The following CRISPLD1 variants were observed in gnomAD, a reference collection of about 807,000 sequenced individuals.
The protein encoded by CRISPLD1 is cysteine-rich secretory protein LCCL domain-containing 1.
CRISPLD1 carries 60 observed loss-of-function variants against 77.5 expected under a neutral mutation model. The observed-to-expected ratio is 0.77, with a 90% confidence interval of 0.63 to 0.96. The LOEUF is 0.96. Among genes scored for constraint, CRISPLD1 ranks in the 40% least tolerant of loss-of-function variants. CRISPLD1 has a pLI of 0.00. For missense variants in CRISPLD1, 623 were observed against 615.8 expected (o/e 1.01, Z -0.12); for synonymous variants, 195 against 200.1 (o/e 0.97, Z 0.22).
At chr8:74,999,386 A>G (rs1812699935) in intron 2 of CRISPLD1, among the ~76,000 whole-genome samples, 1 of 152,230 alleles carries the variant, frequency 6.6e-6, no homozygotes, top group East Asian at 1.9e-4. Context: ...GATAGAAAGC[A>G]TATTTTTGTC....
At chr8:75,024,222 T>C (rs532868653) in intron 12 of CRISPLD1, among the ~76,000 whole-genome samples, 2 of 152,314 alleles carry the variant, frequency 1.3e-5, no homozygotes, top group South Asian at 4.1e-4. Flanking sequence ...ATGCAGGGCT[T>C]ATTGACCTTC....
Position 75,022,553 on chromosome 8 carries a change from A to G in CRISPLD1, c.1244+2474A>G, listed in dbSNP as rs528123547. Among the ~76,000 whole-genome samples the G allele has an allele frequency of 8.7e-5, 13 of 150,024 alleles. No homozygotes were observed. The South Asian group carries it at 2.5e-3, about 29-fold the overall frequency. ...CAGTGAGCTGAGATTGCGCCACTGC[A>G]CTCCAGCCTGGGCGAAAGAGCGAGA... On this transcript the variant is annotated intron_variant, in intron 12 of 14. Coordinates refer to ENST00000262207, the MANE Select transcript of CRISPLD1 (RefSeq NM_031461.6).
chr8:75,013,061 G>T, intron 4 of CRISPLD1, 39 bp downstream of exon 4: 1 of 1,440,694 alleles, frequency 6.9e-7, no homozygotes. Flanking sequence ...CCCCCAAATT[G>T]AGTTAATGTA....
chr8:75,005,970 T>A (rs966287180), intron 2 of CRISPLD1, among the ~76,000 whole-genome samples: 3 of 152,180 alleles, frequency 2.0e-5, no homozygotes, highest in African/African-American at 7.2e-5. Flanking sequence ...GTTACATGGA[T>A]ATCTTGTATA....
At chr8:75,010,520 A>G (rs1033860086) in intron 2 of CRISPLD1, among the ~76,000 whole-genome samples, 6 of 151,944 alleles carry the variant, frequency 3.9e-5, no homozygotes, top group Non-Finnish European at 8.8e-5. Flanking sequence ...CTTTCTCTTC[A>G]CTTATTAATG....
chr8:75,012,488 G>A lies in CRISPLD1; in HGVS notation c.314G>A (p.Trp105Ter). ...SAESWAESCL[W>*]EHGPASLLPS... Reference sequence around the variant, plus strand: ...GAATCCTGGGCTGAAAGTTGCTTGTGGGAACATGGACCTGCAAGCTTGCTT... The same window carrying A: ...GAATCCTGGGCTGAAAGTTGCTTGTAGGAACATGGACCTGCAAGCTTGCTT... The change falls in exon 3 of 15, where the codon TGG (tryptophan) becomes TAG (stop). Residue 105 changes from tryptophan (W) to a stop codon, truncating the protein, a stop_gained. Transcript: ENST00000262207. LOFTEE classifies it high-confidence loss of function. 2 of 1,613,134 alleles carry A rather than the reference G, an allele frequency of 1.2e-6. No homozygotes were observed. The highest frequency in any genetic ancestry group is 1.7e-6 in the Non-Finnish European group (2 of 1,179,328).
chr8:75,004,954 A>G lies in CRISPLD1; in HGVS notation c.259-7479A>G, dbSNP rs181613804. Among the ~76,000 whole-genome samples, 396 of 152,212 alleles carry G rather than the reference A, an allele frequency of 2.6e-3. 4 individuals carry two copies. The highest frequency in any genetic ancestry group is 2.3e-3 in the Non-Finnish European group (157 of 67,982). On this transcript the variant is annotated intron_variant, in intron 2 of 14. Transcript: ENST00000262207. Reference sequence around the variant, plus strand: ...TTTATTAAGATTATCTTCTTACTCAACTAAATGGAAAGTTTTATTGAAGGT... The same window carrying G: ...TTTATTAAGATTATCTTCTTACTCAGCTAAATGGAAAGTTTTATTGAAGGT...
At chr8:75,024,331 T>TG (rs3033043) in intron 12 of CRISPLD1, among the ~76,000 whole-genome samples, 3 of 133,958 alleles carry the variant, frequency 2.2e-5, no homozygotes, top group African/African-American at 9.3e-5. Flanking sequence ...TTGTTGTTGT[T>TG]TTGTTTTGTT....
At chr8:74,986,974 A>G (rs780733208) in intron 2 of CRISPLD1, among the ~76,000 whole-genome samples, 1 of 152,228 alleles carries the variant, frequency 6.6e-6, no homozygotes, top group Non-Finnish European at 1.5e-5. Context: ...AAACTTTTCA[A>G]AAATCTATTA....
intron 9 of CRISPLD1, 103 bp downstream of exon 9, chr8:75,017,216 C>T: frequency 1.3e-6 from 2 of 1,536,718 alleles, no homozygotes; most frequent in Non-Finnish European, 1.8e-6. Flanking sequence ...ATATTTTGCT[C>T]AGAAATGTTT....
intron 6 of CRISPLD1, 66 bp from the exon 7 acceptor site, chr8:75,016,499 A>G: frequency 1.4e-6 from 2 of 1,398,184 alleles, no homozygotes; most frequent in East Asian, 4.6e-5. Flanking sequence ...AAAGTATATT[A>G]TTATTTGATA....
chr8:75,018,020 C>A (rs1486887109), intron 10 of CRISPLD1, among the ~76,000 whole-genome samples: 1 of 152,044 alleles, frequency 6.6e-6, no homozygotes, highest in Non-Finnish European at 1.5e-5. Context: ...TTTACATGTA[C>A]CGTATAGAAA....
intron 2 of CRISPLD1, among the ~76,000 whole-genome samples, chr8:75,011,821 C>G (rs1812936477): frequency 6.6e-6 from 1 of 152,078 alleles, no homozygotes; most frequent in South Asian, 2.1e-4. Context: ...GCAGCACTGT[C>G]CCATTCAATT....
intron 4 of CRISPLD1, among the ~76,000 whole-genome samples, chr8:75,013,407 T>C (rs1459432971): frequency 6.6e-6 from 1 of 152,090 alleles, no homozygotes; most frequent in Non-Finnish European, 1.5e-5. Flanking sequence ...ATATTTCGTG[T>C]TCACAATTGG....
chr8:75,017,627 A>G (rs186218496), intron 10 of CRISPLD1, among the ~76,000 whole-genome samples, 177 bp downstream of exon 10: 266 of 152,302 alleles, frequency 1.7e-3, no homozygotes, highest in Non-Finnish European at 2.8e-3. Flanking sequence ...TTTAAGGTCA[A>G]AGTTGAACTC....
At chr8:74,998,092 G>A (rs1425456698) in intron 2 of CRISPLD1, among the ~76,000 whole-genome samples, 1 of 152,184 alleles carries the variant, frequency 6.6e-6, no homozygotes, top group African/African-American at 2.4e-5. Flanking sequence ...TGGCATAGGA[G>A]AAGAAAATAT....
chr8:75,012,789 A>G, intron 3 of CRISPLD1, 101 bp from the exon 4 acceptor site: 2 of 1,348,336 alleles, frequency 1.5e-6, no homozygotes, highest in Non-Finnish European at 2.0e-6. Context: ...AGTTTACGCC[A>G]AAGTGTCTTT....
intron 6 of CRISPLD1, among the ~76,000 whole-genome samples, chr8:75,015,367 G>A (rs967586903): frequency 2.8e-4 from 42 of 151,988 alleles, no homozygotes; most frequent in Non-Finnish European, 5.0e-4. Flanking sequence ...ACTTCTCACT[G>A]CACACTATTC....
intron 2 of CRISPLD1, among the ~76,000 whole-genome samples, chr8:75,003,513 A>G (rs969120365): frequency 1.3e-5 from 2 of 152,168 alleles, no homozygotes; most frequent in African/African-American, 4.8e-5. Flanking sequence ...GGGATTTTTT[A>G]ATGAGTTTTC....
Sources: allele counts gnomAD v4.1 joint callset (sites outside exome capture counted in the v4.1 genomes callset), GRCh38; gene constraint gnomAD v4.1.1; transcripts MANE v1.5; gene names NCBI Gene and HGNC (gene_info 2026-07-23, HGNC 2026-07-21).